Variants in SH3BP2 observed in about 807,000 individuals in gnomAD.
The protein encoded by SH3BP2 is SH3 domain-binding protein 2.
A neutral mutation model predicts 56.2 loss-of-function variants in SH3BP2; 38 were observed. The ratio of observed to expected loss-of-function variants is 0.68; its 90% CI spans 0.52 to 0.89. SH3BP2 has a LOEUF of 0.89. Ranked by LOEUF, SH3BP2 falls within the 40% of genes least tolerant of loss-of-function variation. SH3BP2 has a pLI of 0.00. For missense variants in SH3BP2, 748 were observed against 762.6 expected, an observed-to-expected ratio of 0.98 and a Z score of 0.23; for synonymous variants, 346 against 316.7, an observed-to-expected ratio of 1.09 and a Z score of -0.98.
Position 2,829,887 on chromosome 4 carries a change from C to T in SH3BP2, c.981C>T (p.Thr327=), listed in dbSNP as rs776693065. The T allele has an allele frequency of 1.3e-5, 21 of 1,613,962 alleles. No homozygotes were observed. In the East Asian group the frequency reaches 4.7e-4, roughly 36 times the overall value. The change falls in exon 8 of 13, where the codon ACC becomes ACT. Residue 327 remains threonine (T), a synonymous_variant. Transcript: ENST00000503393. The surrounding 1 kb of genome is among the most constrained non-coding windows in gnomAD (Gnocchi z 4.9). ...TSSAAIMATA[T]SRNCDKLKSF... is the part of the protein sequence containing the mutation. ...GTGCTGCCATCATGGCCACTGCCAC[C>T]TCCAGAAACTGTGACAAACTCAAGT... is the stretch of plus-strand genomic sequence containing the variant.
At chr4:2,827,134 T>C in intron 5 of SH3BP2, 96 bp from the exon 6 acceptor site, 1 of 900,630 alleles carries the variant, frequency 1.1e-6, no homozygotes, top group Non-Finnish European at 1.8e-6. Flanking sequence ...TATCTGTCCA[T>C]GTATCCGCGT....
In SH3BP2 at chr4:2,829,911, G is replaced by T. The variant is rs1409775615; in HGVS notation, c.1005G>T (p.Lys335Asn). Residue 335 changes from lysine to asparagine, a missense_variant, in exon 8 of 13, where the codon AAG becomes AAT. Physicochemically the swap from Lys to Asn is moderately conservative, Grantham distance 94. This residue lies in a region of SH3BP2 where 635 missense variants were observed against 615.0 expected (regional missense o/e 1.03). Coordinates refer to ENST00000503393, the MANE Select transcript of SH3BP2 (RefSeq NM_001122681.2). The surrounding 1 kb of genome is among the most constrained non-coding windows in gnomAD (Gnocchi z 4.9). ...CCTCCAGAAACTGTGACAAACTCAA[G>T]TCCTTCCACCTGTCCCCCCGAGGAC... The part of the protein sequence containing the change: ...TATSRNCDKL[K>N]SFHLSPRGPP... 12 of 1,613,772 alleles carry T rather than the reference G, an allele frequency of 7.4e-6. No individual in the cohort carries two copies. The African/African-American group carries it at 1.3e-4, about 18-fold the overall frequency.
At position 2,833,069 on chromosome 4, in the gene SH3BP2, G is replaced by T. The variant is rs2108742974; in HGVS notation, c.1548+20G>T. 1 of 1,612,856 alleles carries T rather than the reference G, an allele frequency of 6.2e-7. No homozygotes were observed. Among genetic ancestry groups the T allele is most frequent in the Admixed American group, 1.7e-5 (1 of 60,032 alleles). On this transcript the variant is annotated intron_variant, in intron 12 of 12. Transcript: ENST00000503393. Reference sequence around the variant, plus strand: ...GAGAAGGTGAGAGGGCTCTGAGTGGGACGGGGACCCTGGCCGCATGGCCTG... The same window carrying T: ...GAGAAGGTGAGAGGGCTCTGAGTGGTACGGGGACCCTGGCCGCATGGCCTG...
At position 2,835,827 on chromosome 4, in the gene SH3BP2, T is replaced by C. The variant is rs960126955; in HGVS notation, c.*1993T>C. The C allele has an allele frequency of 6.6e-6, 1 of 152,232 alleles. No individual in the cohort carries two copies. Among genetic ancestry groups the C allele is most frequent in the African/African-American group, 2.4e-5 (1 of 41,430 alleles). The allele number at this position is 152,232 out of a possible 1,614,324, so 9.4% of individuals were successfully genotyped here. On this transcript the variant is annotated 3_prime_UTR_variant, in exon 13 of 13. Coordinates refer to ENST00000503393, the MANE Select transcript of SH3BP2 (RefSeq NM_001122681.2). ...TTTTAGTAGAGACGGGATTTTATCA[T>C]GTTGGCCAGGCTGGTCTCGAACTCC...
intron 1 of SH3BP2, chr4:2,799,274 C>T: frequency 1.0e-6 from 1 of 985,530 alleles, no homozygotes; most frequent in Non-Finnish European, 1.2e-6. Flanking sequence ...CTTCGCTCAG[C>T]TTCAGACCCT....
Position 2,796,430 on chromosome 4 carries a change from C to G in SH3BP2, c.-5+3292C>G, listed in dbSNP as rs1242370191. 1.5e-5 allele frequency: 15 copies of G among 985,416 alleles called. 1 individual carries two copies. The highest frequency in any genetic ancestry group is 1.0e-3 in the Middle Eastern group (2 of 1,938). The allele number at this position is 985,416 out of a possible 1,614,324, so 61.0% of individuals were successfully genotyped here. ...CAGGCCCTGCTTGGTTTCCCGGCCC[C>G]CGATCACAGATCGTGCTGGAACTGC... On this transcript the variant is annotated intron_variant, in intron 1 of 12. Coordinates refer to ENST00000503393, the MANE Select transcript of SH3BP2 (RefSeq NM_001122681.2).
In SH3BP2 at chr4:2,831,685, G is replaced by A. The variant is rs766189842; in HGVS notation, c.1350+6G>A. 42 of 1,582,930 alleles carry A rather than the reference G, an allele frequency of 2.7e-5. No homozygotes were observed. The highest frequency in any genetic ancestry group is 3.3e-4 in the Middle Eastern group (2 of 6,048). ...CGGACGAGGACTATGAGAAGGCAAG[G>A]CTGAGCGGCAAGCCTGGGTCCCAGT... On this transcript the variant is annotated splice_donor_region_variant and intron_variant, in intron 9 of 12. Transcript: ENST00000503393. The surrounding 1 kb of genome is among the most constrained non-coding windows in gnomAD (Gnocchi z 4.1).
At chr4:2,806,194 G>A (rs979932479) in intron 1 of SH3BP2, among the ~76,000 whole-genome samples, 8 of 152,218 alleles carry the variant, frequency 5.3e-5, no homozygotes, top group African/African-American at 1.9e-4. Context: ...TGCATAGAGC[G>A]GCCCTCTCTG....
Position 2,833,692 on chromosome 4 carries a change from C to CA in SH3BP2, c.1549-4dup. On this transcript the variant is annotated splice_region_variant and splice_polypyrimidine_tract_variant and intron_variant, in intron 12 of 12. Transcript: ENST00000503393. The stretch of plus-strand genomic sequence containing the variant: ...GCTGACGCTCCCCCTTCTCTTCCCC[C>CA]ACAGGACTCTAAGTTCTACCTGGAG... The CA allele has an allele frequency of 6.2e-7, 1 of 1,609,594 alleles. No individual in the cohort carries two copies. The highest frequency in any genetic ancestry group is 8.5e-7 in the Non-Finnish European group (1 of 1,178,066).
Position 2,831,428 on chromosome 4 carries a change from G to T in SH3BP2, c.1242-143G>T, listed in dbSNP as rs918696058. On this transcript the variant is annotated intron_variant, in intron 8 of 12. Transcript: ENST00000503393. This position sits in a 1 kb window ranked among gnomAD's most constrained non-coding sequence, Gnocchi z 4.1. ...CACGAGCCCTACCCGGATCTCTGTT[G>T]TCCTGAGCTTTTTAGGGTCACAGGG... 5.6e-6 allele frequency: 4 copies of T among 711,052 alleles called. No individual in the cohort carries two copies. In the African/African-American group the frequency reaches 7.0e-5, roughly 12 times the overall value. 44.0% of individuals were successfully genotyped at this position (711,052 alleles called of 1,614,324 possible).
Position 2,810,907 on chromosome 4 carries a change from G to A in SH3BP2, c.-4-9707G>A, listed in dbSNP as rs2108711834. Among the ~76,000 whole-genome samples the A allele has an allele frequency of 6.6e-6, 1 of 152,340 alleles. No homozygotes were observed. Reference sequence around the variant, plus strand: ...AATGGGAAGAGGCCCCACTCTGTCCGTGCCCTCCTCGCTGCCCTCTGTCTG... The same window carrying A: ...AATGGGAAGAGGCCCCACTCTGTCCATGCCCTCCTCGCTGCCCTCTGTCTG... On this transcript the variant is annotated intron_variant, in intron 1 of 12. Coordinates refer to ENST00000503393, the MANE Select transcript of SH3BP2 (RefSeq NM_001122681.2). This position sits in a 1 kb window ranked among gnomAD's most constrained non-coding sequence, Gnocchi z 4.2.
chr4:2,825,927 C>T (rs937297566), intron 5 of SH3BP2, among the ~76,000 whole-genome samples: 11 of 152,350 alleles, frequency 7.2e-5, no homozygotes, highest in Admixed American at 4.6e-4. Flanking sequence ...CTTCCTGGCC[C>T]GAGACGATGT....
intron 1 of SH3BP2, among the ~76,000 whole-genome samples, chr4:2,799,942 TTA>T (rs1723192717): frequency 6.6e-6 from 1 of 151,682 alleles, no homozygotes; most frequent in Admixed American, 6.6e-5. Context: ...AGGGGCTGGC[TTA>T]TGTTTTCAAG....
intron 4 of SH3BP2, 171 bp from the exon 5 acceptor site, chr4:2,824,955 G>A (rs1274008500): frequency 2.8e-6 from 2 of 716,876 alleles, no homozygotes; most frequent in Admixed American, 2.1e-5. Flanking sequence ...ATGCTGTCCT[G>A]GGAGGTGCCC....
At position 2,829,686 on chromosome 4, in the gene SH3BP2, CCCGAGGCGG is replaced by C; in HGVS notation, c.781_789del (p.Pro261_Arg263del). ...AGGACTCCAAGAGGGACCCACTGTG[CCCGAGGCGG>C]GCTGAGCCTTGCCCCAGGGTACCTG... On this transcript the variant is annotated inframe_deletion, in exon 8 of 13. Transcript: ENST00000503393. This position sits in a 1 kb window ranked among gnomAD's most constrained non-coding sequence, Gnocchi z 4.9. The C allele has an allele frequency of 6.2e-7, 1 of 1,613,066 alleles. No homozygotes were observed. Among genetic ancestry groups the C allele is most frequent in the Non-Finnish European group, 8.5e-7 (1 of 1,179,848 alleles).
intron 1 of SH3BP2, among the ~76,000 whole-genome samples, chr4:2,816,433 C>G (rs1206658456): frequency 6.6e-6 from 1 of 152,164 alleles, no homozygotes; most frequent in Non-Finnish European, 1.5e-5. Context: ...ATTCTGGATA[C>G]CTTTTATTTC....
At chr4:2,801,297 T>C (rs1028176848) in intron 1 of SH3BP2, among the ~76,000 whole-genome samples, 3 of 152,158 alleles carry the variant, frequency 2.0e-5, no homozygotes, top group African/African-American at 7.2e-5. Context: ...TGGGCCACGC[T>C]GAGGGTGAGG....
chr4:2,814,324 G>A (rs144228644), intron 1 of SH3BP2, among the ~76,000 whole-genome samples: 75 of 152,258 alleles, frequency 4.9e-4, no homozygotes, highest in African/African-American at 1.8e-3. Flanking sequence ...CCGATGGGGT[G>A]TCTCTGTGGG....
chr4:2,796,530 G>A, intron 1 of SH3BP2: 1 of 927,186 alleles, frequency 1.1e-6, no homozygotes, highest in Non-Finnish European at 1.3e-6. Flanking sequence ...TTGTCAGCTG[G>A]CCTCTGGGAA....
Sources: allele counts gnomAD v4.1 joint callset (sites outside exome capture counted in the v4.1 genomes callset), GRCh38; gene constraint gnomAD v4.1.1; regional missense constraint gnomAD v4.1.1; non-coding constraint Gnocchi (gnomAD v3.1); transcripts MANE v1.5; gene names NCBI Gene and HGNC (gene_info 2026-07-23, HGNC 2026-07-21).